Variants in NSDHL observed in about 807,000 individuals in gnomAD.
NSDHL encodes the protein sterol-4-alpha-carboxylate 3-dehydrogenase, decarboxylating.
NSDHL carries 1 observed loss-of-function variant against 23.0 expected under a neutral mutation model. The observed-to-expected ratio is 0.04, with a 90% confidence interval of 0.02 to 0.21. The LOEUF (loss-of-function observed/expected upper bound fraction) is 0.21, where lower values mean the gene tolerates loss of function less well. NSDHL is among the 10% of genes least tolerant of loss of function. The pLI is 1.00. For missense variants in NSDHL, 237 were observed against 300.9 expected, an observed-to-expected ratio of 0.79 and a Z score of 1.57; for synonymous variants, 128 against 121.1, an observed-to-expected ratio of 1.06 and a Z score of -0.37.
chrX:152,868,836 G>T lies in NSDHL; in HGVS notation c.842G>T (p.Arg281Leu), dbSNP rs782143078. The change falls in exon 8 of 8, where the codon CGC becomes CTC. Residue 281 changes from arginine (R) to leucine (L), a missense_variant. Around this residue, in one of 3 missense-constraint regions of NSDHL, gnomAD observed 117 missense variants for 99.5 expected, o/e 1.18. Coordinates refer to ENST00000370274, the MANE Select transcript of NSDHL (RefSeq NM_015922.3). ...ATCCCTTTCTGGACATTCCTGTCTC[G>T]CATCCTGACAGGCCTCAATTATGAG... Reference protein sequence around the residue: ...EPIPFWTFLSRILTGLNYEAP... With the variant: ...EPIPFWTFLSLILTGLNYEAP... The T allele has an allele frequency of 1.2e-5, 14 of 1,209,569 alleles. No individual in the cohort carries two copies. In the Admixed American group the frequency reaches 1.3e-4, roughly 11 times the overall value.
rs1249339951 is a variant in NSDHL at position 152,850,209 on chromosome X, T to C, written c.109-56T>C. 2.0e-5 allele frequency: 23 copies of C among 1,133,036 alleles called. No homozygotes were observed. In the South Asian group the frequency reaches 4.0e-4, roughly 20 times the overall value. The allele number at this position is 1,133,036 out of a possible 1,213,427, so 93.4% of individuals were successfully genotyped here. ...GCTCATGATATGTAAGTCTGGACTC[T>C]GTAGCTTCCAGTCCTCACTACCCTG... On this transcript the variant is annotated intron_variant, in intron 2 of 7. Coordinates refer to ENST00000370274, the MANE Select transcript of NSDHL (RefSeq NM_015922.3).
At chrX:152,861,305 G>A (rs191150680) in intron 4 of NSDHL, among the ~76,000 whole-genome samples, 21 of 112,752 alleles carry the variant, frequency 1.9e-4, no homozygotes, top group African/African-American at 2.9e-4. Context: ...TTTCTGCATC[G>A]CTGCACACCA....
intron 1 of NSDHL, among the ~76,000 whole-genome samples, chrX:152,834,876 A>C (rs1367437759): frequency 8.9e-6 from 1 of 112,719 alleles, no homozygotes; most frequent in African/African-American, 3.2e-5. Context: ...TTTGCCTGGC[A>C]TTGTCTGCCC....
chrX:152,861,811 A>C (rs1411172729), intron 4 of NSDHL, among the ~76,000 whole-genome samples: 2 of 112,573 alleles, frequency 1.8e-5, no homozygotes, highest in Admixed American at 9.4e-5. Flanking sequence ...AAGACGAGTT[A>C]ATTTTTGTAT....
At chrX:152,854,845 C>A (rs1556846764) in intron 3 of NSDHL, among the ~76,000 whole-genome samples, 1 of 103,877 alleles carries the variant, frequency 9.6e-6, no homozygotes, top group East Asian at 2.9e-4. Context: ...CATAACAAGA[C>A]CCCCCCCATT....
chrX:152,840,984 T>C (rs1205491182), intron 1 of NSDHL, among the ~76,000 whole-genome samples: 1 of 112,962 alleles, frequency 8.9e-6, no homozygotes, highest in Admixed American at 9.3e-5. Context: ...TCTCAGCCAC[T>C]TTGTTTACCT....
chrX:152,846,373 C>A lies in NSDHL; in HGVS notation c.49C>A (p.His17Asn). ...AATGAGAGACCAAGTCGCACGGACT[C>A]ATTTGACAGAGGACACTCCCAAAGT... ...EPMRDQVART[H>N]LTEDTPKVNA... Residue 17 changes from histidine (H) to asparagine (N), a missense_variant, in exon 2 of 8, where the codon CAT becomes AAT. Physicochemically the swap from His to Asn is moderately conservative, Grantham distance 68 (BLOSUM62 1). This residue lies in a region of NSDHL where 81 missense variants were observed against 103.3 expected (regional missense o/e 0.78). Transcript: ENST00000370274. 8.3e-7 allele frequency: 1 copy of A among 1,211,185 alleles called. No individual in the cohort carries two copies. The highest frequency in any genetic ancestry group is 3.0e-5 in the East Asian group (1 of 33,848).
chrX:152,835,267 A>G (rs1221689343), intron 1 of NSDHL, among the ~76,000 whole-genome samples: 2 of 109,609 alleles, frequency 1.8e-5, no homozygotes, highest in African/African-American at 6.7e-5. Context: ...AGGATTAGTG[A>G]GGCCAGTGGC....
At chrX:152,850,224 T>C in intron 2 of NSDHL, 41 bp from the exon 3 acceptor site, 1 of 1,188,565 alleles carries the variant, frequency 8.4e-7, no homozygotes, top group Non-Finnish European at 1.1e-6. Flanking sequence ...CTTCCAGTCC[T>C]CACTACCCTG....
chrX:152,849,441 G>A (rs1933322472), intron 2 of NSDHL, among the ~76,000 whole-genome samples: 1 of 111,756 alleles, frequency 8.9e-6, no homozygotes, highest in Non-Finnish European at 1.9e-5. Context: ...GCCACAGTTT[G>A]GCATCAACAT....
intron 5 of NSDHL, among the ~76,000 whole-genome samples, chrX:152,862,928 G>T (rs946667068): frequency 8.9e-6 from 1 of 111,799 alleles, no homozygotes; most frequent in Non-Finnish European, 1.9e-5. Context: ...TTGGGAGGCC[G>T]AGGTGGGTGG....
At chrX:152,867,715 C>T (rs201742437) in intron 7 of NSDHL, 42 bp downstream of exon 7, 53 of 949,292 alleles carry the variant, frequency 5.6e-5, no homozygotes, top group Non-Finnish European at 7.4e-5. Flanking sequence ...TGCCTTTCTG[C>T]GGGTTTCTTC....
chrX:152,852,823 G>A (rs1206615423), intron 3 of NSDHL, among the ~76,000 whole-genome samples: 1 of 110,287 alleles, frequency 9.1e-6, no homozygotes, highest in African/African-American at 3.3e-5. Flanking sequence ...CTGCCACCAG[G>A]GACCTTGAGG....
chrX:152,858,797 A>G lies in NSDHL; in HGVS notation c.295A>G (p.Asn99Asp), dbSNP rs1933481813. The G allele has an allele frequency of 1.7e-6, 2 of 1,209,579 alleles. No individual in the cohort carries two copies. Among genetic ancestry groups the G allele is most frequent in the Middle Eastern group, 2.3e-4 (1 of 4,351 alleles). Reference sequence around the variant, plus strand: ...TCTGTACCCAGCTCTGAAAGGTGTAAACACAGTTTTCCACTGTGCGTCACC... The same window carrying G: ...TCTGTACCCAGCTCTGAAAGGTGTAGACACAGTTTTCCACTGTGCGTCACC... Reference protein sequence around the residue: ...QDLYPALKGVNTVFHCASPPP... With the variant: ...QDLYPALKGVDTVFHCASPPP... The change falls in exon 4 of 8, where the codon AAC (asparagine) becomes GAC (aspartate). Residue 99 changes from asparagine (N) to aspartate (D), a missense_variant. Coordinates refer to ENST00000370274, the MANE Select transcript of NSDHL (RefSeq NM_015922.3).
At chrX:152,845,379 C>T (rs912187069) in intron 1 of NSDHL, among the ~76,000 whole-genome samples, 3 of 111,799 alleles carry the variant, frequency 2.7e-5, no homozygotes, top group Non-Finnish European at 5.6e-5. Context: ...CTTGTCTTGT[C>T]GTGGGTTTTG....
chrX:152,844,152 G>A (rs977968067), intron 1 of NSDHL, among the ~76,000 whole-genome samples: 1 of 112,140 alleles, frequency 8.9e-6, no homozygotes, highest in Non-Finnish European at 1.9e-5. Flanking sequence ...CTTGAATGGC[G>A]TGTTGACAGG....
intron 3 of NSDHL, among the ~76,000 whole-genome samples, chrX:152,855,027 C>T (rs1286035326): frequency 8.9e-5 from 9 of 101,190 alleles, no homozygotes; most frequent in South Asian, 4.7e-4. Context: ...CGGAGTCTTG[C>T]GCTGTCGCCC....
At chrX:152,832,246 C>T (rs1260383721) in intron 1 of NSDHL, among the ~76,000 whole-genome samples, 3 of 111,963 alleles carry the variant, frequency 2.7e-5, no homozygotes, top group Non-Finnish European at 5.6e-5. Flanking sequence ...AGCCACTCAC[C>T]TTGCTCTACT....
At chrX:152,867,465 G>A in intron 6 of NSDHL, 106 bp from the exon 7 acceptor site, 1 of 611,289 alleles carries the variant, frequency 1.6e-6, no homozygotes, top group Non-Finnish European at 2.8e-6. Flanking sequence ...TGAGGTGGCA[G>A]CCATTCTGTA....
Sources: gnomAD v4.1 joint callset for allele counts (sites outside exome capture counted in the v4.1 genomes callset) on GRCh38, gnomAD v4.1.1 for gene constraint, gnomAD v4.1.1 regional missense constraint, MANE v1.5 for transcripts, NCBI Gene and HGNC (gene_info 2026-07-23, HGNC 2026-07-21) for gene names.